The following TRAF7 variants were observed in gnomAD, a reference collection of about 807,000 sequenced individuals.
The protein encoded by TRAF7 is TNF receptor associated factor 7.
Under a neutral mutation model 89.3 loss-of-function variants are expected in TRAF7, and 45 were observed. The observed-to-expected ratio is 0.50, with a 90% confidence interval of 0.40 to 0.65. TRAF7 has a LOEUF of 0.65. Among genes scored for constraint, TRAF7 ranks in the 30% least tolerant of loss-of-function variants. The pLI, the probability that TRAF7 is intolerant of heterozygous loss-of-function variation, is 0.00. For missense variants in TRAF7, 677 were observed against 918.1 expected (o/e 0.74, Z 3.39); for synonymous variants, 406 against 369.2 (o/e 1.10, Z -1.14).
Position 2,172,480 on chromosome 16 carries a change from C to A in TRAF7, c.675C>A (p.Ser225Arg). The A allele has an allele frequency of 6.2e-7, 1 of 1,609,680 alleles. No homozygotes were observed. Among genetic ancestry groups the A allele is most frequent in the Non-Finnish European group, 8.5e-7 (1 of 1,178,936 alleles). The change falls in exon 9 of 21, where the codon AGC becomes AGA. Residue 225 changes from serine (S) to arginine (R), a missense_variant. By Grantham distance (110) the Ser-to-Arg change is moderately radical. Around this residue, in one of 6 missense-constraint regions of TRAF7, gnomAD observed 238 missense variants for 352.6 expected, o/e 0.67. Transcript: ENST00000326181. The stretch of plus-strand genomic sequence containing the variant: ...CCTGGCACAGGGACCACGAGGGCAG[C>A]TGTGACTACAGGCCTGTGCGGTGTC... ...KLSARKDHEG[S>R]CDYRPVRCPN...
chr16:2,173,226 A>G lies in TRAF7; in HGVS notation c.839A>G (p.Glu280Gly), dbSNP rs375287184. 4 of 1,612,422 alleles carry G rather than the reference A, an allele frequency of 2.5e-6. No homozygotes were observed. The highest frequency in any genetic ancestry group is 3.4e-6 in the Non-Finnish European group (4 of 1,179,760). The change falls in exon 10 of 21, where the codon GAG becomes GGG. Residue 280 changes from glutamate to glycine, a missense_variant. By Grantham distance (98) the Glu-to-Gly change is moderately conservative. Transcript: ENST00000326181. ...GNQDTYETHL[E>G]TCRFEGLKEF... is the part of the protein sequence containing the mutation. ...CAGGACACTTACGAGACCCACCTGG[A>G]GACTTGCCGCTTCGAGGGCCTGAAG... is the stretch of plus-strand genomic sequence containing the variant.
intron 1 of TRAF7, among the ~76,000 whole-genome samples, chr16:2,156,421 T>C (rs759066508): frequency 1.3e-5 from 2 of 152,174 alleles, no homozygotes; most frequent in Non-Finnish European, 2.9e-5. Context: ...ATCCCCCATC[T>C]AGACAGACAG....
rs772375824 is a variant in TRAF7 at position 2,173,557 on chromosome 16, G to A, written c.1086+3G>A. ...GGCGGGACGCATCCATGTTAAATGT[G>A]AGCGGGCGGGGCTGGAGGGGCTGGG... On this transcript the variant is annotated splice_donor_region_variant and intron_variant, in intron 11 of 20. Coordinates refer to ENST00000326181, the MANE Select transcript of TRAF7 (RefSeq NM_032271.3). The A allele has an allele frequency of 6.2e-7, 1 of 1,612,484 alleles. No individual in the cohort carries two copies.
chr16:2,176,238 G>A (rs748763143), intron 19 of TRAF7, 27 bp from the exon 20 acceptor site: 28 of 1,600,162 alleles, frequency 1.7e-5, no homozygotes, highest in South Asian at 1.4e-4. Flanking sequence ...GAGCTCCGGC[G>A]GGCCCTCACG....
At position 2,162,926 on chromosome 16, in the gene TRAF7, C is replaced by T. The variant is rs1294231138; in HGVS notation, c.-38-957C>T. On this transcript the variant is annotated intron_variant, in intron 1 of 20. Coordinates refer to ENST00000326181, the MANE Select transcript of TRAF7 (RefSeq NM_032271.3). The surrounding 1 kb of genome is among the most constrained non-coding windows in gnomAD (Gnocchi z 5.0). ...GGCTGCCCAAGTCCTGAAAGTGGGACCTGCTCGGGAGGAGGGGCGCCTGCT... is the reference window on the plus strand; with the variant it reads ...GGCTGCCCAAGTCCTGAAAGTGGGATCTGCTCGGGAGGAGGGGCGCCTGCT... Among the ~76,000 whole-genome samples the T allele has an allele frequency of 6.6e-6, 1 of 151,850 alleles. No homozygotes were observed. Among genetic ancestry groups the T allele is most frequent in the African/African-American group, 2.4e-5 (1 of 41,446 alleles).
chr16:2,173,857 G>GCGGGGGGCGCCCCCC, intron 12 of TRAF7, 21 bp downstream of exon 12: 1 of 1,607,506 alleles, frequency 6.2e-7, no homozygotes, highest in Non-Finnish European at 8.5e-7. Context: ...ACCCGCCGTG[G>GCGGGGGGCGCCCCCC]CTCCCGCCCA....
At position 2,178,010 on chromosome 16, in the gene TRAF7, T is replaced by C. The variant is rs552006424; in HGVS notation, c.*1436T>C. ...TGTCCTTTCAGTTGGTAAATGGTTT[T>C]CTATAGAATCAATAATATTTCTTTC... On this transcript the variant is annotated 3_prime_UTR_variant, in exon 21 of 21. Transcript: ENST00000326181. 1.9e-4 allele frequency: 80 copies of C among 413,476 alleles called. No homozygotes were observed. In the East Asian group the frequency reaches 3.5e-3, roughly 18 times the overall value. The allele number at this position is 413,476 out of a possible 1,614,324, so 25.6% of individuals were successfully genotyped here. A position where few individuals can be genotyped will look rare whatever the true frequency, so the allele number is the denominator to read the frequency against.
intron 11 of TRAF7, 74 bp downstream of exon 11, chr16:2,173,628 C>A: frequency 6.3e-7 from 1 of 1,586,596 alleles, no homozygotes. Flanking sequence ...GAGGCCTCCC[C>A]TGGCCTTGCC....
intron 14 of TRAF7, 72 bp downstream of exon 14, chr16:2,174,405 G>A (rs187693489): frequency 2.7e-4 from 393 of 1,476,314 alleles, no homozygotes; most frequent in Non-Finnish European, 3.3e-4. Flanking sequence ...CGTGGGCCGT[G>A]AGCCATGAGC....
Position 2,158,026 on chromosome 16 carries a change from C to G in TRAF7, c.-39+2168C>G, listed in dbSNP as rs1157875344. Among the ~76,000 whole-genome samples, 1 of 152,208 alleles carries G rather than the reference C, an allele frequency of 6.6e-6. No homozygotes were observed. The highest frequency in any genetic ancestry group is 1.5e-5 in the Non-Finnish European group (1 of 68,036). On this transcript the variant is annotated intron_variant, in intron 1 of 20. Transcript: ENST00000326181. This position sits in a 1 kb window ranked among gnomAD's most constrained non-coding sequence, Gnocchi z 4.7. The stretch of plus-strand genomic sequence containing the variant: ...GCCCGAGGCCAGGAGGGCAGGTACA[C>G]AGCTGTGAAGTGGTAGAAGTGGACT...
intron 3 of TRAF7, among the ~76,000 whole-genome samples, chr16:2,167,168 G>A (rs1035679680): frequency 1.1e-4 from 17 of 152,066 alleles, no homozygotes; most frequent in Admixed American, 1.0e-3. Flanking sequence ...CCTGTCACAC[G>A]GCGGAAGGTA....
At chr16:2,172,099 C>A in intron 7 of TRAF7, 92 bp from the exon 8 acceptor site, 1 of 1,502,468 alleles carries the variant, frequency 6.7e-7, no homozygotes, top group Non-Finnish European at 9.1e-7. Context: ...CGCAGATGGA[C>A]AGATCTGGCC....
At chr16:2,170,040 G>A (rs1437311080) in intron 4 of TRAF7, among the ~76,000 whole-genome samples, 2 of 152,170 alleles carry the variant, frequency 1.3e-5, no homozygotes, top group African/African-American at 2.4e-5. Flanking sequence ...CCAGAGGCAG[G>A]CACCTGTGGC....
At chr16:2,167,927 G>A (rs1042720064) in intron 3 of TRAF7, 150 bp from the exon 4 acceptor site, 5 of 655,760 alleles carry the variant, frequency 7.6e-6, no homozygotes, top group African/African-American at 1.8e-5. Context: ...CTTCCCCCGT[G>A]CCATCCCTGC....
rs1454074288 is a variant in TRAF7, at chr16:2,176,788, G to A, written c.*214G>A. ...TGCCCAGCCCCTCTCTGGGTGCCAG[G>A]TACGACGCTTGCCCCGGCCCACCCT... On this transcript the variant is annotated 3_prime_UTR_variant, in exon 21 of 21. Transcript: ENST00000326181. The A allele has an allele frequency of 2.9e-6, 2 of 698,716 alleles. No homozygotes were observed. Among genetic ancestry groups the A allele is most frequent in the Non-Finnish European group, 2.4e-6 (1 of 409,832 alleles). The allele number at this position is 698,716 out of a possible 1,614,324, so 43.3% of individuals were successfully genotyped here. A position where few individuals can be genotyped will look rare whatever the true frequency, so the allele number is the denominator to read the frequency against.
At chr16:2,156,636 C>G (rs924132210) in intron 1 of TRAF7, among the ~76,000 whole-genome samples, 4 of 134,442 alleles carry the variant, frequency 3.0e-5, no homozygotes, top group Non-Finnish European at 4.6e-5. Context: ...GTACATAGGC[C>G]TGGGGTGAGA....
chr16:2,156,890 C>T (rs559175615), intron 1 of TRAF7, among the ~76,000 whole-genome samples: 1 of 152,162 alleles, frequency 6.6e-6, no homozygotes, highest in African/African-American at 2.4e-5. Flanking sequence ...GCTAGGCCAT[C>T]GTCTCCTAGT....
At chr16:2,165,742 G>A (rs1230012099) in intron 2 of TRAF7, 137 bp from the exon 3 acceptor site, 11 of 909,626 alleles carry the variant, frequency 1.2e-5, no homozygotes, top group Non-Finnish European at 1.9e-5. Flanking sequence ...TGCGTGGCGT[G>A]GCCTGGTCGC....
Position 2,159,317 on chromosome 16 carries a change from C to T in TRAF7, c.-39+3459C>T, listed in dbSNP as rs111919031. The stretch of plus-strand genomic sequence containing the variant: ...GGGGTTCGCCGTGCTAGGAGGGAAG[C>T]GGGGCCAAGCCGGCCTCAGACCAGG... On this transcript the variant is annotated intron_variant, in intron 1 of 20. Transcript: ENST00000326181. This position sits in a 1 kb window ranked among gnomAD's most constrained non-coding sequence, Gnocchi z 6.5. 6.6e-6 allele frequency among the ~76,000 whole-genome samples: 1 copy of T among 152,032 alleles called. No individual in the cohort carries two copies. Among genetic ancestry groups the T allele is most frequent in the Admixed American group, 6.5e-5 (1 of 15,274 alleles).
Sources: allele counts gnomAD v4.1 joint callset (sites outside exome capture counted in the v4.1 genomes callset), GRCh38; gene constraint gnomAD v4.1.1; regional missense constraint gnomAD v4.1.1; non-coding constraint Gnocchi (gnomAD v3.1); transcripts MANE v1.5; gene names NCBI Gene and HGNC (gene_info 2026-07-23, HGNC 2026-07-21).